The following PHF24 variants were observed in gnomAD, a reference collection of about 807,000 sequenced individuals.
PHF24 encodes the protein PHD finger protein 24.
A neutral mutation model predicts 42.6 loss-of-function variants in PHF24; 25 were observed. The ratio of observed to expected loss-of-function variants is 0.59; its 90% CI spans 0.43 to 0.82. PHF24 has a LOEUF of 0.82. Among genes scored for constraint, PHF24 ranks in the 40% least tolerant of loss-of-function variants. PHF24 has a pLI of 0.00. For missense variants in PHF24, 470 were observed against 538.1 expected (o/e 0.87, Z 1.25); for synonymous variants, 185 against 204.8 (o/e 0.90, Z 0.83).
chr9:34,689,778 T>C, the PHF24 span: 2 of 1,613,164 alleles, frequency 1.2e-6, no homozygotes, highest in African/African-American at 2.7e-5. The surrounding 1 kb of genome is among the most constrained non-coding windows in gnomAD (Gnocchi z 4.1). Context: ...TAATTCACAA[T>C]GCTTGACTCG....
chr9:34,981,396 A>G (rs1827386681), exon 8 of PHF24: 1 of 152,296 alleles, frequency 6.6e-6, no homozygotes, highest in South Asian at 2.1e-4. Context: ...CCCAGGACTC[A>G]TAGCCCAAAG....
the PHF24 span, among the ~76,000 whole-genome samples, chr9:34,886,808 A>C: frequency 7.4e-6 from 1 of 134,402 alleles, no homozygotes; most frequent in African/African-American, 3.3e-5. Flanking sequence ...CTATCTATGT[A>C]TCTATCTATG....
At chr9:34,925,331 G>C in the PHF24 span, among the ~76,000 whole-genome samples, 5 of 152,116 alleles carry the variant, frequency 3.3e-5, no homozygotes, top group African/African-American at 7.2e-5. Flanking sequence ...TCCTCAGAGA[G>C]AACCTGTTTG....
chr9:34,823,023 C>T, the PHF24 span, among the ~76,000 whole-genome samples: 4 of 150,734 alleles, frequency 2.7e-5, no homozygotes, highest in Admixed American at 6.6e-5. Context: ...GGTGAAACCC[C>T]GTCTCTACTA....
chr9:34,973,622 A>G (rs1025801673), intron 3 of PHF24, among the ~76,000 whole-genome samples: 3 of 152,178 alleles, frequency 2.0e-5, no homozygotes, highest in Non-Finnish European at 4.4e-5. Context: ...TGCTGCTTAG[A>G]CGAAAGCAGA....
the PHF24 span, among the ~76,000 whole-genome samples, chr9:34,812,678 C>T: frequency 6.6e-6 from 1 of 152,284 alleles, no homozygotes; most frequent in Admixed American, 6.5e-5. Flanking sequence ...TCTCCTCAGC[C>T]CTGTCTGGCC....
the PHF24 span, among the ~76,000 whole-genome samples, chr9:34,821,521 T>C: frequency 6.6e-6 from 1 of 152,214 alleles, no homozygotes; most frequent in Admixed American, 6.5e-5. Flanking sequence ...TTTTGTAGTA[T>C]ATGTACGTCT....
chr9:34,886,806 GTATC>G, the PHF24 span, among the ~76,000 whole-genome samples: 5,069 of 128,710 alleles, frequency 0.039, 276 homozygotes, highest in African/African-American at 0.13. Context: ...CTCTATCTAT[GTATC>G]TATCTATGTA....
the PHF24 span, among the ~76,000 whole-genome samples, chr9:34,774,785 A>G: frequency 2.0e-4 from 30 of 152,264 alleles, no homozygotes; most frequent in African/African-American, 6.0e-4. Context: ...CACATACACA[A>G]AAAAAAGCCA....
chr9:34,873,276 G>T, the PHF24 span, among the ~76,000 whole-genome samples: 1 of 151,992 alleles, frequency 6.6e-6, no homozygotes, highest in Admixed American at 6.5e-5. Context: ...TGAAGTCCTT[G>T]CCCATGCCTA....
the PHF24 span, among the ~76,000 whole-genome samples, chr9:34,876,284 G>A: frequency 4.6e-5 from 7 of 152,002 alleles, no homozygotes; most frequent in Non-Finnish European, 1.0e-4. Context: ...GATAAACTGT[G>A]GTATATCCAT....
chr9:34,902,746 T>C, the PHF24 span, among the ~76,000 whole-genome samples: 1 of 152,226 alleles, frequency 6.6e-6, no homozygotes, highest in Non-Finnish European at 1.5e-5. Context: ...TTAAAATGTT[T>C]CTAAATGTTC....
At chr9:34,751,833 T>G in the PHF24 span, among the ~76,000 whole-genome samples, 1 of 152,090 alleles carries the variant, frequency 6.6e-6, no homozygotes, top group East Asian at 1.9e-4. Flanking sequence ...TTAAAAAAAT[T>G]GAAATAATAT....
At chr9:34,688,752 G>T in the PHF24 span, among the ~76,000 whole-genome samples, 1 of 152,220 alleles carries the variant, frequency 6.6e-6, no homozygotes, top group African/African-American at 2.4e-5. Context: ...AGAATGAACA[G>T]ATGGACCCTC....
the PHF24 span, among the ~76,000 whole-genome samples, chr9:34,869,313 C>G: frequency 2.0e-5 from 3 of 152,294 alleles, no homozygotes; most frequent in South Asian, 2.1e-4. Context: ...GCTTCTAGAT[C>G]TTTGAGGAGT....
At chr9:34,832,770 G>C in the PHF24 span, 1 of 1,550,760 alleles carries the variant, frequency 6.4e-7, no homozygotes, top group Non-Finnish European at 8.7e-7. Flanking sequence ...CAAAGGCTTA[G>C]CCTGAGTTGG....
the PHF24 span, among the ~76,000 whole-genome samples, chr9:34,936,313 C>T: frequency 1.1e-4 from 16 of 152,346 alleles, no homozygotes; most frequent in Admixed American, 5.9e-4. Flanking sequence ...GCGAGTGATC[C>T]GCCAGCCTCG....
the PHF24 span, among the ~76,000 whole-genome samples, chr9:34,685,978 G>A: frequency 3.3e-5 from 5 of 152,136 alleles, no homozygotes; most frequent in African/African-American, 1.2e-4. Flanking sequence ...GTCTATCCTG[G>A]GCAGGCGACT....
the PHF24 span, among the ~76,000 whole-genome samples, chr9:34,686,658 T>G: frequency 6.6e-6 from 1 of 152,290 alleles, no homozygotes; most frequent in Admixed American, 6.5e-5. Flanking sequence ...TATTGGCTGC[T>G]GAGATATTGG....
Sources: allele counts gnomAD v4.1 joint callset (sites outside exome capture counted in the v4.1 genomes callset), GRCh38; gene constraint gnomAD v4.1.1; non-coding constraint Gnocchi (gnomAD v3.1); transcripts MANE v1.5; gene names NCBI Gene and HGNC (gene_info 2026-07-23, HGNC 2026-07-21).